Variants in FBXO25 observed in about 807,000 individuals in gnomAD.
FBXO25 encodes the protein F-box only protein 25.
A neutral mutation model predicts 51.9 loss-of-function variants in FBXO25; 45 were observed. The observed-to-expected ratio is 0.87, with a 90% CI of 0.68 to 1.11. FBXO25 has a LOEUF of 1.11. Among genes scored for constraint, FBXO25 ranks in the 50% most tolerant of loss-of-function variants. FBXO25 has a pLI of 0.00. For synonymous variants in FBXO25, 199 were observed against 151.0 expected, an observed-to-expected ratio of 1.32 and a Z score of -2.33; for missense variants, 507 against 428.5, an observed-to-expected ratio of 1.18 and a Z score of -1.62.
At chr8:441,223 C>G (rs148023797) in intron 5 of FBXO25, among the ~76,000 whole-genome samples, 3,783 of 152,264 alleles carry the variant, frequency 0.025, 165 homozygotes, top group East Asian at 0.19. Context: ...ACGTCTACAA[C>G]CATCTGATCT....
intron 2 of FBXO25, among the ~76,000 whole-genome samples, chr8:418,330 G>GTTAT: frequency 9.6e-6 from 1 of 104,634 alleles, no homozygotes; most frequent in Non-Finnish European, 2.1e-5. Context: ...TCGTTTGTTT[G>GTTAT]TTCTTTTTTT....
intron 6 of FBXO25, 118 bp from the exon 7 acceptor site, chr8:451,151 A>G: frequency 1.3e-6 from 1 of 766,448 alleles, no homozygotes; most frequent in Admixed American, 2.9e-5. Flanking sequence ...TTGCATGTAT[A>G]GATCACACGT....
At chr8:463,261 A>ATT in intron 9 of FBXO25, 111 bp downstream of exon 9, 1 of 1,205,266 alleles carries the variant, frequency 8.3e-7, no homozygotes, top group Non-Finnish European at 1.2e-6. Context: ...GTTTGTTATA[A>ATT]GTAAGTTAAG....
chr8:418,865 C>T (rs7843885), intron 2 of FBXO25, among the ~76,000 whole-genome samples: 1,957 of 152,136 alleles, frequency 0.013, 35 homozygotes, highest in African/African-American at 0.044. Context: ...CTACTACTCA[C>T]TCTTACTGTG....
intron 7 of FBXO25, among the ~76,000 whole-genome samples, chr8:454,240 C>T (rs1262226077): frequency 6.6e-6 from 1 of 152,096 alleles, no homozygotes; most frequent in Non-Finnish European, 1.5e-5. Flanking sequence ...AATTTTTTTT[C>T]TTGTGAAACA....
intron 5 of FBXO25, among the ~76,000 whole-genome samples, chr8:445,730 G>A (rs1798699406): frequency 6.6e-6 from 1 of 152,152 alleles, no homozygotes; most frequent in African/African-American, 2.4e-5. Context: ...AAACTACCGG[G>A]CATGGTGGCA....
chr8:452,913 C>T (rs1029769269), intron 7 of FBXO25, among the ~76,000 whole-genome samples: 1 of 152,312 alleles, frequency 6.6e-6, no homozygotes, highest in African/African-American at 2.4e-5. Context: ...TGCTGAGCTT[C>T]CTTCTGGATC....
intron 9 of FBXO25, chr8:467,805 C>T (rs1800276781): frequency 1.2e-6 from 2 of 1,602,476 alleles, no homozygotes; most frequent in South Asian, 1.1e-5. Context: ...CATCGTGCTG[C>T]ATCTCATGCA....
chr8:457,214 G>C (rs1393665556), intron 7 of FBXO25, among the ~76,000 whole-genome samples: 1 of 152,176 alleles, frequency 6.6e-6, no homozygotes, highest in Admixed American at 6.5e-5. Context: ...CCTCTGTCCC[G>C]CCCAAACAGC....
chr8:471,488 C>T lies in FBXO25; in HGVS notation c.*2684C>T, dbSNP rs1800482039. On this transcript the variant is annotated 3_prime_UTR_variant, in exon 10 of 10. Transcript: ENST00000350302. ...TGTGAGATTAAGTTACATTCTGATG[C>T]CTTCATTACAATGAAGTAGATAATT... is the stretch of plus-strand genomic sequence containing the variant. The T allele has an allele frequency of 6.6e-6, 1 of 152,146 alleles. No individual in the cohort carries two copies. Among genetic ancestry groups the T allele is most frequent in the Non-Finnish European group, 1.5e-5 (1 of 68,024 alleles). 9.4% of individuals were successfully genotyped at this position (152,146 alleles called of 1,614,324 possible). A position where few individuals can be genotyped will look rare whatever the true frequency, so the allele number is the denominator to read the frequency against.
At position 474,214 on chromosome 8, in the gene FBXO25, C is replaced by A. The variant is rs916515083; in HGVS notation, c.*5410C>A. On this transcript the variant is annotated 3_prime_UTR_variant, in exon 10 of 10. Transcript: ENST00000350302. Reference sequence around the variant, plus strand: ...TGAGTGGAACCAGAAGGGATTTGTCCTTTTGTGACTGGCTTATTTCACTTA... The same window carrying A: ...TGAGTGGAACCAGAAGGGATTTGTCATTTTGTGACTGGCTTATTTCACTTA... The A allele has an allele frequency of 5.9e-6, 1 of 168,996 alleles. No homozygotes were observed. The highest frequency in any genetic ancestry group is 2.4e-5 in the African/African-American group (1 of 41,618). The allele number at this position is 168,996 out of a possible 1,614,324, so 10.5% of individuals were successfully genotyped here.
intron 5 of FBXO25, among the ~76,000 whole-genome samples, chr8:437,092 A>G (rs1045157234): frequency 5.9e-5 from 9 of 152,124 alleles, no homozygotes; most frequent in Non-Finnish European, 1.0e-4. Flanking sequence ...ACCACATACT[A>G]CTATAATTTG....
At chr8:449,037 A>G (rs577430894) in intron 5 of FBXO25, among the ~76,000 whole-genome samples, 3 of 152,332 alleles carry the variant, frequency 2.0e-5, no homozygotes, top group South Asian at 2.1e-4. Flanking sequence ...TGCTGTGTCT[A>G]TACATGTAAA....
intron 5 of FBXO25, among the ~76,000 whole-genome samples, chr8:445,605 C>T (rs183269066): frequency 1.5e-4 from 23 of 152,324 alleles, no homozygotes; most frequent in Admixed American, 1.0e-3. Flanking sequence ...ATAATCCCAG[C>T]ACTTTGGGAG....
intron 8 of FBXO25, among the ~76,000 whole-genome samples, chr8:460,216 A>T (rs1799720216): frequency 6.6e-6 from 1 of 152,084 alleles, no homozygotes; most frequent in Admixed American, 6.6e-5. Flanking sequence ...ATACATCTAG[A>T]CCCTAAACAT....
At chr8:446,965 C>A (rs184521943) in intron 5 of FBXO25, among the ~76,000 whole-genome samples, 1 of 152,138 alleles carries the variant, frequency 6.6e-6, no homozygotes, top group African/African-American at 2.4e-5. Context: ...GAGGCAGATG[C>A]AATTCACAGA....
At position 476,823 on chromosome 8, in the gene FBXO25, T is replaced by TAATC. The variant is rs959642369; in HGVS notation, c.*8021_*8024dup. 2.1e-5 allele frequency: 3 copies of TAATC among 142,268 alleles called. No individual in the cohort carries two copies. Among genetic ancestry groups the TAATC allele is most frequent in the African/African-American group, 8.7e-5 (3 of 34,376 alleles). The allele number at this position is 142,268 out of a possible 1,614,324, so 8.8% of individuals were successfully genotyped here. On this transcript the variant is annotated 3_prime_UTR_variant, in exon 10 of 10. Transcript: ENST00000350302. ...TCTGCTCTAATCTTTATTATTATTA[T>TAATC]AATCATCTCCATTCTGCTGGCTTTG...
intron 7 of FBXO25, 74 bp downstream of exon 7, chr8:451,527 T>G: frequency 7.5e-7 from 1 of 1,338,278 alleles, no homozygotes; most frequent in South Asian, 1.3e-5. Flanking sequence ...TAAGCATACA[T>G]GAAAGACTGC....
At chr8:425,175 C>T (rs1377795243) in intron 2 of FBXO25, among the ~76,000 whole-genome samples, 1 of 151,878 alleles carries the variant, frequency 6.6e-6, no homozygotes, top group Non-Finnish European at 1.5e-5. Context: ...ACTTCATCTC[C>T]CCAAAAATAA....
Sources: gnomAD v4.1 joint callset for allele counts (sites outside exome capture counted in the v4.1 genomes callset) on GRCh38, gnomAD v4.1.1 for gene constraint, MANE v1.5 for transcripts, NCBI Gene and HGNC (gene_info 2026-07-23, HGNC 2026-07-21) for gene names.